Variants in PCDHGA6 observed in about 807,000 individuals in gnomAD.
PCDHGA6 encodes the protein protocadherin gamma-A6.
Under a neutral mutation model 60.6 loss-of-function variants are expected in PCDHGA6, and 41 were observed. The observed-to-expected ratio is 0.68, with a 90% CI of 0.53 to 0.88. The LOEUF is 0.88. Among genes scored for constraint, PCDHGA6 ranks in the 40% least tolerant of loss-of-function variants. The pLI, the probability that PCDHGA6 is intolerant of heterozygous loss-of-function variation, is 0.00. For synonymous variants in PCDHGA6, 594 were observed against 524.4 expected (o/e 1.13, Z -1.81); for missense variants, 1,312 against 1,203.0 (o/e 1.09, Z -1.34).
chr5:141,408,061 G>C, intron 1 of PCDHGA6: 1 of 1,332,898 alleles, frequency 7.5e-7, no homozygotes, highest in Non-Finnish European at 1.0e-6. Flanking sequence ...CCTCCCGGCT[G>C]CGCAGACCTT....
At chr5:141,468,194 G>A (rs959390749) in intron 1 of PCDHGA6, among the ~76,000 whole-genome samples, 21 of 151,716 alleles carry the variant, frequency 1.4e-4, no homozygotes, top group South Asian at 2.1e-4. Flanking sequence ...GCATGGTGGC[G>A]GGTGCCTGTA....
rs1257565821 is a variant in PCDHGA6, at chr5:141,487,319, C to G, written c.2425-7488C>G. ...ATTCGTGGCACTACTCTCTAAGTGTCTTCGTGGGGCAGCCTGTGGAGTCAC... is the reference window on the plus strand; with the variant it reads ...ATTCGTGGCACTACTCTCTAAGTGTGTTCGTGGGGCAGCCTGTGGAGTCAC... On this transcript the variant is annotated intron_variant, in intron 1 of 3. Transcript: ENST00000517434. The surrounding 1 kb of genome is among the most constrained non-coding windows in gnomAD (Gnocchi z 5.0). The G allele has an allele frequency of 6.2e-7, 1 of 1,614,052 alleles. No homozygotes were observed. The highest frequency in any genetic ancestry group is 1.3e-5 in the African/African-American group (1 of 74,930).
At chr5:141,423,785 A>G (rs531378008) in intron 1 of PCDHGA6, 48 of 1,269,536 alleles carry the variant, frequency 3.8e-5, no homozygotes, top group Non-Finnish European at 4.4e-5. Context: ...TTTAGTTCAT[A>G]TATATTTAGA....
intron 1 of PCDHGA6, chr5:141,402,829 T>C: frequency 7.5e-7 from 1 of 1,342,036 alleles, no homozygotes; most frequent in Non-Finnish European, 9.8e-7. Flanking sequence ...GCTCCCAGGC[T>C]GCAGCAAAAC....
chr5:141,454,796 ATTTTTT>A (rs61612330), intron 1 of PCDHGA6, among the ~76,000 whole-genome samples: 41 of 77,454 alleles, frequency 5.3e-4, no homozygotes, highest in African/African-American at 1.7e-3. Context: ...CATGGTTCTA[ATTTTTT>A]TTTTTTTTTT....
intron 2 of PCDHGA6, among the ~76,000 whole-genome samples, chr5:141,503,456 A>G (rs920770738): frequency 1.3e-5 from 2 of 152,058 alleles, no homozygotes; most frequent in African/African-American, 4.8e-5. Context: ...TTCGCTGGGC[A>G]TGGTGGCATG....
At chr5:141,417,304 AG>A (rs1315238937) in intron 1 of PCDHGA6, 1 of 152,318 alleles carries the variant, frequency 6.6e-6, no homozygotes, top group East Asian at 1.9e-4. Context: ...CTCTGGATGG[AG>A]GAATTGGATA....
At position 141,476,418 on chromosome 5, in the gene PCDHGA6, T is replaced by G. The variant is rs201255025; in HGVS notation, c.2425-18389T>G. ...GATCGAGAGGAGCTGTGTGGGACAC[T>G]GCCCTCTTGCACTGTAACTCTGGAG... On this transcript the variant is annotated intron_variant, in intron 1 of 3. Transcript: ENST00000517434. This position sits in a 1 kb window ranked among gnomAD's most constrained non-coding sequence, Gnocchi z 7.6. 8 of 1,614,122 alleles carry G rather than the reference T, an allele frequency of 5.0e-6. No homozygotes were observed. The highest frequency in any genetic ancestry group is 1.6e-4 in the Middle Eastern group (1 of 6,062).
chr5:141,473,784 G>A (rs1457988232), intron 1 of PCDHGA6, among the ~76,000 whole-genome samples: 1 of 152,226 alleles, frequency 6.6e-6, no homozygotes, highest in Non-Finnish European at 1.5e-5. Flanking sequence ...TTTAATTCAA[G>A]AGCAGTATGA....
intron 1 of PCDHGA6, chr5:141,409,550 C>T (rs764101999): frequency 1.9e-6 from 3 of 1,613,992 alleles, no homozygotes; most frequent in African/African-American, 2.7e-5. Context: ...CGACAACGCC[C>T]CAGTTTTCGA....
chr5:141,386,950 A>G (rs538175836), intron 1 of PCDHGA6, among the ~76,000 whole-genome samples: 1 of 152,246 alleles, frequency 6.6e-6, no homozygotes, highest in African/African-American at 2.4e-5. Flanking sequence ...GCAGTGCTTC[A>G]GTGCAGCAGA....
chr5:141,454,076 T>A (rs190918056), intron 1 of PCDHGA6, among the ~76,000 whole-genome samples: 2 of 152,352 alleles, frequency 1.3e-5, no homozygotes, highest in East Asian at 3.8e-4. Flanking sequence ...TGATAATGTT[T>A]TCAGTGAAAT....
chr5:141,421,102 T>A (rs1420706532), intron 1 of PCDHGA6: 2 of 691,286 alleles, frequency 2.9e-6, no homozygotes, highest in Admixed American at 6.2e-5. Context: ...CACTGGAGAC[T>A]TAGAAGTATT....
intron 1 of PCDHGA6, chr5:141,394,811 C>G (rs1225635250): frequency 7.4e-6 from 12 of 1,613,770 alleles, no homozygotes; most frequent in Non-Finnish European, 1.0e-5. Flanking sequence ...CCGTGGCTGA[C>G]AGCATCCCCG....
intron 1 of PCDHGA6, among the ~76,000 whole-genome samples, chr5:141,459,682 A>G (rs557568098): frequency 2.4e-4 from 37 of 152,358 alleles, no homozygotes; most frequent in African/African-American, 8.2e-4. Flanking sequence ...AGCAATGCAT[A>G]AAGCGTTCCG....
chr5:141,469,112 A>T (rs1207790108), intron 1 of PCDHGA6, among the ~76,000 whole-genome samples: 1 of 151,698 alleles, frequency 6.6e-6, no homozygotes, highest in African/African-American at 2.4e-5. Flanking sequence ...ACCTGTCTCT[A>T]AAAAAATTTA....
chr5:141,475,105 G>C (rs1215386045), intron 1 of PCDHGA6, among the ~76,000 whole-genome samples: 1 of 152,156 alleles, frequency 6.6e-6, no homozygotes, highest in Non-Finnish European at 1.5e-5. Context: ...GATCCTAGGT[G>C]GTAAATAGGC....
Position 141,376,367 on chromosome 5 carries a change from G to A in PCDHGA6, c.2284G>A (p.Asp762Asn). 1 of 1,614,224 alleles carries A rather than the reference G, an allele frequency of 6.2e-7. No homozygotes were observed. Among genetic ancestry groups the A allele is most frequent in the Non-Finnish European group, 8.5e-7 (1 of 1,180,044 alleles). Residue 762 changes from aspartate to asparagine, a missense_variant, in exon 1 of 4, where the codon GAC becomes AAC. Transcript: ENST00000517434. ...TTCCCACGAGGTCTCACTCACTGCA[G>A]ACTCGCGTAAGAGTCATCTGATTTT... ...TYSHEVSLTADSRKSHLIFPQ... is the reference protein window; with the variant it reads ...TYSHEVSLTANSRKSHLIFPQ...
At chr5:141,415,023 C>G in intron 1 of PCDHGA6, 1 of 1,613,530 alleles carries the variant, frequency 6.2e-7, no homozygotes, top group Non-Finnish European at 8.5e-7. Context: ...TCAAGGCCAG[C>G]GAGCCGGGAC....
Sources: gnomAD v4.1 joint callset for allele counts (sites outside exome capture counted in the v4.1 genomes callset) on GRCh38, gnomAD v4.1.1 for gene constraint, Gnocchi (gnomAD v3.1) non-coding constraint, MANE v1.5 for transcripts, NCBI Gene and HGNC (gene_info 2026-07-23, HGNC 2026-07-21) for gene names.